DPP10: variants seen among roughly 807,000 people sequenced by gnomAD.
DPP10 encodes inactive dipeptidyl peptidase 10.
In DPP10, 33 loss-of-function variants were observed where a neutral mutation model predicts 120.9. The observed-to-expected ratio is 0.27, with a 90% CI of 0.21 to 0.37. The LOEUF is 0.37. Among genes scored for constraint, DPP10 ranks in the 10% least tolerant of loss-of-function variants. DPP10 has a pLI of 1.00. For missense variants in DPP10, 816 were observed against 942.8 expected (o/e 0.87, Z 1.76); for synonymous variants, 337 against 326.1 (o/e 1.03, Z -0.36).
At chr2:114,684,082 C>T (rs1026453069) in intron 1 of DPP10, among the ~76,000 whole-genome samples, 2 of 151,966 alleles carry the variant, frequency 1.3e-5, no homozygotes, top group African/African-American at 4.8e-5. Context: ...CAATCCATGT[C>T]TCCATACCCA....
At chr2:114,743,873 G>T (rs1391190559) in intron 1 of DPP10, among the ~76,000 whole-genome samples, 1 of 152,096 alleles carries the variant, frequency 6.6e-6, no homozygotes. Context: ...GGTGGTGGAT[G>T]TGATCGGGTT....
intron 1 of DPP10, among the ~76,000 whole-genome samples, chr2:114,496,110 C>T (rs1682494202): frequency 6.6e-6 from 1 of 152,122 alleles, no homozygotes; most frequent in Non-Finnish European, 1.5e-5. Context: ...TGAGATTTTA[C>T]AGAGCTAGTT....
intron 1 of DPP10, among the ~76,000 whole-genome samples, chr2:114,966,347 G>T (rs1699029743): frequency 6.6e-6 from 1 of 152,108 alleles, no homozygotes; most frequent in African/African-American, 2.4e-5. Context: ...ACAGAGTAAT[G>T]CCCTCCTGCA....
chr2:114,703,071 C>A (rs1700481371), intron 1 of DPP10, among the ~76,000 whole-genome samples: 1 of 151,862 alleles, frequency 6.6e-6, no homozygotes, highest in Non-Finnish European at 1.5e-5. Flanking sequence ...TAGTGTGTCA[C>A]CAAGAAAGTC....
At chr2:115,731,541 A>G (rs574623956) in intron 8 of DPP10, among the ~76,000 whole-genome samples, 7 of 152,248 alleles carry the variant, frequency 4.6e-5, no homozygotes, top group Non-Finnish European at 1.0e-4. Context: ...GAAAAAATTT[A>G]AAAAAGAAAC....
intron 1 of DPP10, among the ~76,000 whole-genome samples, chr2:114,580,462 C>A (rs984268665): frequency 1.3e-5 from 2 of 152,164 alleles, no homozygotes; most frequent in African/African-American, 4.8e-5. Flanking sequence ...TACTCTAGAT[C>A]AAGGCCAAGA....
intron 1 of DPP10, among the ~76,000 whole-genome samples, chr2:114,612,750 C>A (rs996225007): frequency 6.6e-6 from 1 of 152,142 alleles, no homozygotes; most frequent in Admixed American, 6.6e-5. Context: ...CTTTTACCAG[C>A]CATGTGGCAT....
chr2:115,294,335 A>C (rs1292909967), intron 1 of DPP10, among the ~76,000 whole-genome samples: 1 of 152,136 alleles, frequency 6.6e-6, no homozygotes, highest in African/African-American at 2.4e-5. Flanking sequence ...TTGAAATTCT[A>C]ATGCATATCA....
intron 1 of DPP10, among the ~76,000 whole-genome samples, chr2:114,659,458 C>G (rs550004350): frequency 5.0e-4 from 76 of 151,948 alleles, no homozygotes; most frequent in Non-Finnish European, 9.7e-4. Context: ...AGCATTATTT[C>G]TGACTTTAAA....
chr2:115,612,601 A>G (rs979662641), intron 5 of DPP10, among the ~76,000 whole-genome samples: 5 of 152,180 alleles, frequency 3.3e-5, no homozygotes, highest in Admixed American at 6.5e-5. Context: ...AATAAATGAG[A>G]AAGCATATGC....
chr2:115,836,443 A>G (rs1472064998), intron 22 of DPP10, 64 bp from the exon 23 acceptor site: 2 of 1,555,372 alleles, frequency 1.3e-6, no homozygotes, highest in African/African-American at 2.8e-5. Flanking sequence ...TGAAGAAATT[A>G]ATGAAATATG....
chr2:115,082,623 C>T (rs1489589558), intron 1 of DPP10, among the ~76,000 whole-genome samples: 1 of 152,202 alleles, frequency 6.6e-6, no homozygotes, highest in Non-Finnish European at 1.5e-5. Context: ...GGTATATCCA[C>T]TCTTACTTTT....
At chr2:114,811,309 T>A (rs1685151687) in intron 1 of DPP10, among the ~76,000 whole-genome samples, 1 of 152,142 alleles carries the variant, frequency 6.6e-6, no homozygotes, top group Non-Finnish European at 1.5e-5. Flanking sequence ...AGGGAGGAGA[T>A]ATGTCTGGGA....
At chr2:115,452,482 G>T (rs1223728847) in intron 3 of DPP10, among the ~76,000 whole-genome samples, 1 of 151,686 alleles carries the variant, frequency 6.6e-6, no homozygotes, top group Non-Finnish European at 1.5e-5. Flanking sequence ...CTGCCTTCTG[G>T]GTATAAATGC....
intron 10 of DPP10, 84 bp downstream of exon 10, chr2:115,746,267 G>A: frequency 2.5e-6 from 3 of 1,178,960 alleles, no homozygotes; most frequent in South Asian, 1.3e-5. Context: ...AGAGAGATGT[G>A]ATCAGCTCAA....
intron 3 of DPP10, among the ~76,000 whole-genome samples, chr2:115,486,495 T>G (rs769057057): frequency 6.6e-6 from 1 of 152,148 alleles, no homozygotes; most frequent in Non-Finnish European, 1.5e-5. Flanking sequence ...CACATCAATC[T>G]TTATATTTAC....
intron 1 of DPP10, among the ~76,000 whole-genome samples, chr2:114,966,400 A>G (rs764033453): frequency 3.9e-5 from 6 of 152,004 alleles, no homozygotes; most frequent in South Asian, 4.1e-4. Flanking sequence ...AGTTCCTGAG[A>G]GTAGCTTGTT....
chr2:115,713,642 C>T (rs1449028174), intron 7 of DPP10, among the ~76,000 whole-genome samples: 1 of 152,122 alleles, frequency 6.6e-6, no homozygotes, highest in Non-Finnish European at 1.5e-5. Flanking sequence ...TTTCTTGAAG[C>T]ATGTGATGAA....
chr2:115,694,210 T>C (rs1224533035), intron 7 of DPP10, among the ~76,000 whole-genome samples: 3 of 152,188 alleles, frequency 2.0e-5, no homozygotes, highest in Non-Finnish European at 2.9e-5. Flanking sequence ...TTGTCAATAT[T>C]TGAAGCTATT....
Sources: allele counts gnomAD v4.1 joint callset (sites outside exome capture counted in the v4.1 genomes callset), GRCh38; gene constraint gnomAD v4.1.1; transcripts MANE v1.5; gene names NCBI Gene and HGNC (gene_info 2026-07-23, HGNC 2026-07-21).